KCNMA1: variants seen among roughly 807,000 people sequenced by gnomAD.
The protein encoded by KCNMA1 is Calcium-activated potassium channel subunit alpha-1.
KCNMA1 carries 29 observed loss-of-function variants against 140.0 expected under a neutral mutation model. The observed-to-expected ratio is 0.21, with a 90% CI of 0.15 to 0.28. KCNMA1 has a LOEUF of 0.28. KCNMA1 is among the 10% of genes least tolerant of loss of function. The probability of loss-of-function intolerance (pLI) is 1.00; values close to 1 mark genes in which losing one functional copy is unlikely to be tolerated. For synonymous variants in KCNMA1, 612 were observed against 611.9 expected (o/e 1.00, Z 0.00); for missense variants, 880 against 1,602.2 (o/e 0.55, Z 7.70).
intron 19 of KCNMA1, among the ~76,000 whole-genome samples, chr10:76,988,940 A>G (rs562822013): frequency 1.1e-3 from 172 of 152,226 alleles, no homozygotes; most frequent in African/African-American, 4.1e-3. Context: ...CTGCTACACG[A>G]TTTCATTCCT....
At chr10:77,409,522 C>T (rs940623586) in intron 1 of KCNMA1, among the ~76,000 whole-genome samples, 2 of 152,202 alleles carry the variant, frequency 1.3e-5, no homozygotes, top group African/African-American at 4.8e-5. Context: ...GCTGCCCCAG[C>T]CTGGAACCTG....
At chr10:77,387,981 A>G (rs976961894) in intron 2 of KCNMA1, among the ~76,000 whole-genome samples, 3 of 152,100 alleles carry the variant, frequency 2.0e-5, no homozygotes, top group African/African-American at 4.8e-5. Flanking sequence ...TCTTTGGCCA[A>G]ATATTCTCTG....
At chr10:77,455,682 A>T (rs2097751571) in intron 1 of KCNMA1, among the ~76,000 whole-genome samples, 1 of 152,048 alleles carries the variant, frequency 6.6e-6, no homozygotes, top group Non-Finnish European at 1.5e-5. Flanking sequence ...CCCATGAATC[A>T]CCTTCAAGGA....
chr10:77,032,351 G>A (rs925395889), intron 15 of KCNMA1, among the ~76,000 whole-genome samples: 1 of 152,164 alleles, frequency 6.6e-6, no homozygotes, highest in African/African-American at 2.4e-5. Context: ...TCAACTTACA[G>A]TGTTTCAACA....
chr10:76,996,162 G>A (rs1375625113), intron 19 of KCNMA1, among the ~76,000 whole-genome samples: 1 of 152,194 alleles, frequency 6.6e-6, no homozygotes, highest in East Asian at 1.9e-4. Context: ...GAAGAACCCA[G>A]TGTGTTGGGA....
chr10:77,278,757 A>T (rs1365562898), intron 2 of KCNMA1, among the ~76,000 whole-genome samples: 1 of 152,224 alleles, frequency 6.6e-6, no homozygotes, highest in Non-Finnish European at 1.5e-5. Flanking sequence ...ACCCAAGGGG[A>T]CAGTTGAGGG....
At chr10:77,429,638 G>T (rs1343407799) in intron 1 of KCNMA1, among the ~76,000 whole-genome samples, 1 of 152,010 alleles carries the variant, frequency 6.6e-6, no homozygotes, top group East Asian at 1.9e-4. Flanking sequence ...TCTATTAAAG[G>T]CCCTAAAAAG....
chr10:77,583,603 C>A (rs557284650), intron 1 of KCNMA1, among the ~76,000 whole-genome samples: 1 of 152,358 alleles, frequency 6.6e-6, no homozygotes, highest in East Asian at 1.9e-4. Flanking sequence ...GGGAAACTGA[C>A]TCTTCCTCCT....
At chr10:76,874,848 A>G (rs777986805), downstream of KCNMA1, 4 of 152,194 alleles carry the variant, frequency 2.6e-5, no homozygotes, top group Non-Finnish European at 5.9e-5. Context: ...TCTCAAGGAG[A>G]AAGGTTATGA....
chr10:76,995,718 A>G (rs2084082890), intron 19 of KCNMA1: 1 of 469,564 alleles, frequency 2.1e-6, no homozygotes, highest in Admixed American at 2.4e-5. Context: ...ACTGTCCTGA[A>G]ATAAAAAAGC....
intron 2 of KCNMA1, among the ~76,000 whole-genome samples, chr10:77,370,821 T>C (rs1371775302): frequency 1.3e-5 from 2 of 152,200 alleles, no homozygotes; most frequent in African/African-American, 4.8e-5. Context: ...ACCAACTCTG[T>C]GACCTTGACC....
intron 14 of KCNMA1, among the ~76,000 whole-genome samples, chr10:77,048,703 A>G (rs1363610953): frequency 6.6e-6 from 1 of 152,234 alleles, no homozygotes; most frequent in Non-Finnish European, 1.5e-5. Flanking sequence ...TTTCAGCACA[A>G]TACTCCTTAG....
chr10:77,121,546 T>A (rs1477767171), intron 5 of KCNMA1, among the ~76,000 whole-genome samples: 2 of 152,100 alleles, frequency 1.3e-5, no homozygotes, highest in Non-Finnish European at 2.9e-5. Context: ...TTATCTGTTT[T>A]CTACAAACTT....
At chr10:77,085,463 C>T (rs1041070423) in intron 11 of KCNMA1, among the ~76,000 whole-genome samples, 1 of 152,136 alleles carries the variant, frequency 6.6e-6, no homozygotes, top group African/African-American at 2.4e-5. Flanking sequence ...ATTGTCCCTA[C>T]GTTCTCATAA....
intron 3 of KCNMA1, among the ~76,000 whole-genome samples, chr10:77,236,527 A>G (rs473881): frequency 0.36 from 54,489 of 151,982 alleles, 10,283 homozygotes; most frequent in East Asian, 0.56. Context: ...CTAGCCTGCC[A>G]TCCTTCCTTA....
intron 23 of KCNMA1, among the ~76,000 whole-genome samples, chr10:76,928,726 C>T (rs1172099281): frequency 6.6e-6 from 1 of 152,118 alleles, no homozygotes; most frequent in Non-Finnish European, 1.5e-5. Flanking sequence ...AAGACAATAA[C>T]ACTCTCTGCC....
At chr10:77,179,178 G>T (rs772900891) in intron 5 of KCNMA1, among the ~76,000 whole-genome samples, 1 of 152,184 alleles carries the variant, frequency 6.6e-6, no homozygotes, top group Non-Finnish European at 1.5e-5. Flanking sequence ...TTAGCCCATT[G>T]TACAGGTGAG....
At chr10:77,499,797 T>C (rs2043226886) in intron 1 of KCNMA1, among the ~76,000 whole-genome samples, 1 of 152,184 alleles carries the variant, frequency 6.6e-6, no homozygotes, top group Non-Finnish European at 1.5e-5. Flanking sequence ...CTATTAGGTT[T>C]AAATAATTGT....
intron 2 of KCNMA1, among the ~76,000 whole-genome samples, chr10:77,287,514 T>C (rs752018633): frequency 2.0e-5 from 3 of 152,206 alleles, no homozygotes; most frequent in Non-Finnish European, 4.4e-5. Flanking sequence ...AATTTGACTA[T>C]AGAGCATTCA....
Sources: allele counts gnomAD v4.1 joint callset (sites outside exome capture counted in the v4.1 genomes callset), GRCh38; gene constraint gnomAD v4.1.1; transcripts MANE v1.5; gene names NCBI Gene and HGNC (gene_info 2026-07-23, HGNC 2026-07-21).